The following MYO1D variants were observed in gnomAD, a reference collection of about 807,000 sequenced individuals.
MYO1D encodes the protein unconventional myosin-Id.
Under a neutral mutation model 122.0 loss-of-function variants are expected in MYO1D, and 83 were observed. The observed-to-expected ratio is 0.68, with a 90% CI of 0.57 to 0.82. MYO1D has a LOEUF of 0.82. MYO1D is among the 40% of genes least tolerant of loss of function. The probability of loss-of-function intolerance (pLI) is 0.00; values close to 1 mark genes in which losing one functional copy is unlikely to be tolerated. For synonymous variants in MYO1D, 464 were observed against 446.9 expected, an observed-to-expected ratio of 1.04 and a Z score of -0.48; for missense variants, 1,157 against 1,269.5, an observed-to-expected ratio of 0.91 and a Z score of 1.35.
chr17:32,806,151 C>T (rs1438229594), intron 1 of MYO1D, among the ~76,000 whole-genome samples: 3 of 151,926 alleles, frequency 2.0e-5, no homozygotes, highest in Non-Finnish European at 2.9e-5. Context: ...TCCAGCTACT[C>T]GGGAGGTTGA....
chr17:32,850,075 C>T (rs1213991364), intron 1 of MYO1D, among the ~76,000 whole-genome samples: 30 of 152,164 alleles, frequency 2.0e-4, no homozygotes, highest in Admixed American at 2.0e-3. Context: ...GTGGTAAAAA[C>T]TGGCCTTCCA....
intron 1 of MYO1D, among the ~76,000 whole-genome samples, chr17:32,863,278 GT>G (rs2091093813): frequency 6.6e-6 from 1 of 152,202 alleles, no homozygotes; most frequent in South Asian, 2.1e-4. Context: ...TTAGAACTCA[GT>G]TTGGCCTACT....
chr17:32,816,503 C>T (rs2090614817), intron 1 of MYO1D, among the ~76,000 whole-genome samples: 1 of 152,162 alleles, frequency 6.6e-6, no homozygotes, highest in South Asian at 2.1e-4. Context: ...TTCTCTCCAC[C>T]TGATTGCTGT....
At chr17:32,649,567 C>CTTTTTTTTTTTTTTTTTTTTTTTTTTT (rs35514290) in intron 19 of MYO1D, among the ~76,000 whole-genome samples, 1 of 94,082 alleles carries the variant, frequency 1.1e-5, no homozygotes, top group Non-Finnish European at 2.1e-5. Flanking sequence ...TTCTTTCTTT[C>CTTTTTTTTTTTTTTTTTTTTTTTTTTT]TTTTTTTTTT....
intron 16 of MYO1D, among the ~76,000 whole-genome samples, chr17:32,709,562 A>G (rs1401216595): frequency 6.6e-6 from 1 of 152,204 alleles, no homozygotes; most frequent in Non-Finnish European, 1.5e-5. Context: ...GAACTGAATG[A>G]AAGCAACATT....
intron 21 of MYO1D, among the ~76,000 whole-genome samples, chr17:32,525,056 C>T: frequency 6.6e-6 from 1 of 152,218 alleles, no homozygotes; most frequent in East Asian, 1.9e-4. Flanking sequence ...TGGATTATAG[C>T]TGAATTAGGA....
intron 21 of MYO1D, among the ~76,000 whole-genome samples, chr17:32,517,669 C>T (rs1392526732): frequency 1.3e-5 from 2 of 152,118 alleles, no homozygotes; most frequent in Admixed American, 6.5e-5. Context: ...TGGGAACGAC[C>T]GGAAGAAGAG....
intron 1 of MYO1D, among the ~76,000 whole-genome samples, chr17:32,809,500 G>A (rs202117509): frequency 5.3e-5 from 8 of 150,246 alleles, no homozygotes; most frequent in African/African-American, 9.8e-5. Context: ...GGGCAGTGGC[G>A]TGTTCTTGGC....
At chr17:32,855,312 TCTC>T (rs2151084124) in intron 1 of MYO1D, among the ~76,000 whole-genome samples, 1 of 152,280 alleles carries the variant, frequency 6.6e-6, no homozygotes, top group African/African-American at 2.4e-5. Flanking sequence ...CCTCCTTTAG[TCTC>T]CTCCTAATTA....
At chr17:32,840,136 C>T (rs527400210) in intron 1 of MYO1D, among the ~76,000 whole-genome samples, 1 of 152,248 alleles carries the variant, frequency 6.6e-6, no homozygotes, top group African/African-American at 2.4e-5. Flanking sequence ...TCTTATCCTC[C>T]TGGGGTTCAT....
At chr17:32,800,482 G>A (rs1400376215) in intron 1 of MYO1D, among the ~76,000 whole-genome samples, 1 of 152,040 alleles carries the variant, frequency 6.6e-6, no homozygotes, top group African/African-American at 2.4e-5. Context: ...ACTTACATGT[G>A]GAATCTAAAA....
At chr17:32,563,633 C>T (rs1171335219) in intron 21 of MYO1D, among the ~76,000 whole-genome samples, 3 of 152,162 alleles carry the variant, frequency 2.0e-5, no homozygotes, top group East Asian at 1.9e-4. Flanking sequence ...GCAATGAAAA[C>T]GGACAATAAA....
At chr17:32,665,912 TG>T (rs1266370522) in intron 16 of MYO1D, among the ~76,000 whole-genome samples, 2 of 152,106 alleles carry the variant, frequency 1.3e-5, no homozygotes, top group Non-Finnish European at 2.9e-5. Flanking sequence ...TGAAGGGGTC[TG>T]GGGTGGGTGG....
chr17:32,833,112 C>T (rs2090787969), intron 1 of MYO1D, among the ~76,000 whole-genome samples: 1 of 152,180 alleles, frequency 6.6e-6, no homozygotes, highest in African/African-American at 2.4e-5. Flanking sequence ...AGCATTTCTA[C>T]TTGGATGTCT....
chr17:32,550,428 T>C (rs2087002413), intron 21 of MYO1D, among the ~76,000 whole-genome samples: 1 of 152,204 alleles, frequency 6.6e-6, no homozygotes, highest in Non-Finnish European at 1.5e-5. Flanking sequence ...TATAAAATTT[T>C]TTCAATACTA....
intron 16 of MYO1D, among the ~76,000 whole-genome samples, chr17:32,694,069 C>T (rs1214322548): frequency 6.6e-6 from 1 of 152,142 alleles, no homozygotes; most frequent in Admixed American, 6.5e-5. Context: ...TAATGCTATT[C>T]TAATAGCGCT....
At chr17:32,548,716 C>CTT (rs200304112) in intron 21 of MYO1D, among the ~76,000 whole-genome samples, 25 of 134,726 alleles carry the variant, frequency 1.9e-4, no homozygotes, top group African/African-American at 6.4e-4. Flanking sequence ...ATTTTTTGGT[C>CTT]TTTTTTTTTT....
chr17:32,844,037 A>C (rs1281849290), intron 1 of MYO1D, among the ~76,000 whole-genome samples: 1 of 151,130 alleles, frequency 6.6e-6, no homozygotes. Context: ...ACATACATAC[A>C]CACACAAGGA....
intron 10 of MYO1D, among the ~76,000 whole-genome samples, chr17:32,756,031 G>C (rs1479881392): frequency 6.6e-6 from 1 of 152,000 alleles, no homozygotes; most frequent in Non-Finnish European, 1.5e-5. Context: ...CTTCCACAAA[G>C]GGCCAACAAA....
Sources: allele counts gnomAD v4.1 joint callset (sites outside exome capture counted in the v4.1 genomes callset), GRCh38; gene constraint gnomAD v4.1.1; transcripts MANE v1.5; gene names NCBI Gene and HGNC (gene_info 2026-07-23, HGNC 2026-07-21).